IL1RAPL1: variants seen among roughly 807,000 people sequenced by gnomAD.
IL1RAPL1 encodes interleukin-1 receptor accessory protein-like 1.
In IL1RAPL1, 3 loss-of-function variants were observed where a neutral mutation model predicts 48.4. The ratio of observed to expected loss-of-function variants is 0.06; its 90% confidence interval spans 0.03 to 0.16. IL1RAPL1 has a LOEUF of 0.16. Ranked by LOEUF, IL1RAPL1 falls within the 10% of genes least tolerant of loss-of-function variation. The probability of loss-of-function intolerance (pLI) is 1.00; values close to 1 mark genes in which losing one functional copy is unlikely to be tolerated. For missense variants in IL1RAPL1, 349 were observed against 530.6 expected, an observed-to-expected ratio of 0.66 and a Z score of 3.36; for synonymous variants, 185 against 187.7, an observed-to-expected ratio of 0.99 and a Z score of 0.12.
At chrX:29,136,421 C>T (rs1292199285) in intron 2 of IL1RAPL1, among the ~76,000 whole-genome samples, 2 of 111,831 alleles carry the variant, frequency 1.8e-5, no homozygotes, top group African/African-American at 6.5e-5. Flanking sequence ...GCTAACACTC[C>T]CGGCTGCATT....
rs757357801 is a variant in IL1RAPL1, at chrX:28,971,492, G to A, written c.82+182067G>A. Among the ~76,000 whole-genome samples, 13 of 111,927 alleles carry A rather than the reference G, an allele frequency of 1.2e-4. No homozygotes were observed. In the South Asian group the frequency reaches 4.8e-3, roughly 42 times the overall value. On this transcript the variant is annotated intron_variant, in intron 2 of 10. Transcript: ENST00000378993. ...CTATAAATCCCAATGACCTATAAGAGCAAGACAAGGACTGCAGGTGCTCAG... is the reference window on the plus strand; with the variant it reads ...CTATAAATCCCAATGACCTATAAGAACAAGACAAGGACTGCAGGTGCTCAG...
intron 2 of IL1RAPL1, among the ~76,000 whole-genome samples, chrX:29,152,932 T>C (rs1929495986): frequency 8.9e-6 from 1 of 112,274 alleles, no homozygotes; most frequent in Non-Finnish European, 1.9e-5. Context: ...TAAATTAACA[T>C]AAACTTAGTG....
At chrX:29,271,522 A>G (rs952424845) in intron 2 of IL1RAPL1, among the ~76,000 whole-genome samples, 1 of 112,186 alleles carries the variant, frequency 8.9e-6, no homozygotes, top group Non-Finnish European at 1.9e-5. Context: ...CTTTGCCAGC[A>G]TCTTTTGTTT....
intron 6 of IL1RAPL1, among the ~76,000 whole-genome samples, chrX:29,832,067 G>A (rs1032367490): frequency 1.8e-5 from 2 of 111,683 alleles, no homozygotes; most frequent in African/African-American, 6.5e-5. Flanking sequence ...AAGTTTGTAT[G>A]TGACCTTAAA....
intron 6 of IL1RAPL1, among the ~76,000 whole-genome samples, chrX:29,711,970 G>C (rs1303283322): frequency 9.0e-6 from 1 of 110,835 alleles, no homozygotes; most frequent in Non-Finnish European, 1.9e-5. Context: ...AAGTTTTGAG[G>C]GCCCAGTACT....
chrX:29,178,982 T>A (rs1231554697), intron 2 of IL1RAPL1, among the ~76,000 whole-genome samples: 1 of 112,141 alleles, frequency 8.9e-6, no homozygotes, highest in Non-Finnish European at 1.9e-5. Context: ...AGTACCATCC[T>A]GTTTTGGTTA....
intron 1 of IL1RAPL1, among the ~76,000 whole-genome samples, chrX:28,700,583 G>A (rs1364941441): frequency 1.9e-5 from 2 of 107,095 alleles, no homozygotes; most frequent in African/African-American, 6.9e-5. Context: ...TGTGCAAAAC[G>A]TGCAGGTTTG....
intron 1 of IL1RAPL1, among the ~76,000 whole-genome samples, chrX:28,726,010 A>T (rs1158399841): frequency 8.9e-6 from 1 of 112,584 alleles, no homozygotes; most frequent in Non-Finnish European, 1.9e-5. Context: ...AAAGTTATTT[A>T]TGACAATGAA....
At chrX:28,894,852 G>A (rs1390276562) in intron 2 of IL1RAPL1, among the ~76,000 whole-genome samples, 1 of 111,118 alleles carries the variant, frequency 9.0e-6, no homozygotes. Flanking sequence ...AGAAGGGATT[G>A]GGGTTTGGGA....
chrX:29,383,874 C>T (rs981026890), intron 3 of IL1RAPL1, among the ~76,000 whole-genome samples: 1 of 112,146 alleles, frequency 8.9e-6, no homozygotes, highest in Admixed American at 9.5e-5. Flanking sequence ...TAATTCTGCT[C>T]TTTCCTTTTT....
intron 2 of IL1RAPL1, among the ~76,000 whole-genome samples, chrX:29,064,668 A>G (rs1026669651): frequency 9.1e-6 from 1 of 110,176 alleles, no homozygotes; most frequent in East Asian, 2.9e-4. Flanking sequence ...GGCAACCTCC[A>G]CCTCCCGGGT....
At chrX:28,808,424 G>A (rs1936756067) in intron 2 of IL1RAPL1, among the ~76,000 whole-genome samples, 1 of 110,687 alleles carries the variant, frequency 9.0e-6, no homozygotes, top group Admixed American at 9.7e-5. Context: ...CTACATCTCT[G>A]CGAATTGCAA....
At chrX:29,156,888 C>T (rs964315952) in intron 2 of IL1RAPL1, among the ~76,000 whole-genome samples, 9 of 111,491 alleles carry the variant, frequency 8.1e-5, no homozygotes, top group African/African-American at 2.9e-4. Flanking sequence ...TAACACAGGT[C>T]GAAGGGTTTT....
intron 2 of IL1RAPL1, among the ~76,000 whole-genome samples, chrX:28,839,860 A>G (rs957745166): frequency 4.6e-5 from 5 of 108,458 alleles, no homozygotes; most frequent in African/African-American, 1.7e-4. Flanking sequence ...GGAAGAAATC[A>G]TGACATCAGT....
intron 6 of IL1RAPL1, among the ~76,000 whole-genome samples, chrX:29,815,686 G>T (rs989274744): frequency 4.5e-5 from 5 of 110,651 alleles, no homozygotes; most frequent in African/African-American, 1.6e-4. Context: ...TCCAGCTTTT[G>T]CCTGTTAAGT....
Position 29,569,142 on chromosome X carries a change from A to G in IL1RAPL1, c.704-99288A>G, listed in dbSNP as rs907903214. Among the ~76,000 whole-genome samples, 13 of 111,537 alleles carry G rather than the reference A, an allele frequency of 1.2e-4. No individual in the cohort carries two copies. The East Asian group carries it at 2.8e-3, about 24-fold the overall frequency. On this transcript the variant is annotated intron_variant, in intron 5 of 10. Coordinates refer to ENST00000378993, the MANE Select transcript of IL1RAPL1 (RefSeq NM_014271.4). Reference sequence around the variant, plus strand: ...CTAGCACCACTGAACTAGAAAATATAAGGCATTTATATTTTCTAGTTTGGT... The same window carrying G: ...CTAGCACCACTGAACTAGAAAATATGAGGCATTTATATTTTCTAGTTTGGT...
chrX:29,875,739 G>A (rs1185812686), intron 6 of IL1RAPL1, among the ~76,000 whole-genome samples: 5 of 111,743 alleles, frequency 4.5e-5, no homozygotes, highest in Non-Finnish European at 9.4e-5. Flanking sequence ...GTATTATCCC[G>A]GGAAAAAGGG....
At chrX:29,543,229 T>C (rs749368284) in intron 5 of IL1RAPL1, among the ~76,000 whole-genome samples, 1 of 109,687 alleles carries the variant, frequency 9.1e-6, no homozygotes, top group East Asian at 2.9e-4. Flanking sequence ...TGATACTCAG[T>C]AACTGTGCTC....
At chrX:29,555,391 G>T in intron 5 of IL1RAPL1, among the ~76,000 whole-genome samples, 1 of 112,117 alleles carries the variant, frequency 8.9e-6, no homozygotes, top group East Asian at 2.8e-4. Context: ...GTCTCCTGAT[G>T]CCTCACTGAT....
Sources: gnomAD v4.1 joint callset for allele counts (sites outside exome capture counted in the v4.1 genomes callset) on GRCh38, gnomAD v4.1.1 for gene constraint, MANE v1.5 for transcripts, NCBI Gene and HGNC (gene_info 2026-07-23, HGNC 2026-07-21) for gene names.